TXNRD1: variants seen among roughly 807,000 people sequenced by gnomAD.
TXNRD1 encodes thioredoxin reductase 1.
TXNRD1 carries 57 observed loss-of-function variants against 80.3 expected under a neutral mutation model. The observed-to-expected ratio is 0.71, with a 90% CI of 0.57 to 0.89. The LOEUF (loss-of-function observed/expected upper bound fraction) is 0.89. Among genes scored for constraint, TXNRD1 ranks in the 40% least tolerant of loss-of-function variants. The probability of loss-of-function intolerance (pLI) is 0.00; values close to 1 mark genes in which losing one functional copy is unlikely to be tolerated. For synonymous variants in TXNRD1, 291 were observed against 285.2 expected (o/e 1.02, Z -0.20); for missense variants, 730 against 803.0 (o/e 0.91, Z 1.10).
intron 3 of TXNRD1, among the ~76,000 whole-genome samples, chr12:104,273,282 C>A (rs1402974176): frequency 6.6e-6 from 1 of 152,162 alleles, no homozygotes; most frequent in Non-Finnish European, 1.5e-5. Flanking sequence ...CCACCTTCTA[C>A]ATGCAGACCA....
intron 4 of TXNRD1, among the ~76,000 whole-genome samples, chr12:104,310,351 G>A (rs754538477): frequency 7.2e-5 from 11 of 152,096 alleles, no homozygotes; most frequent in Admixed American, 1.3e-4. Flanking sequence ...GGTTCACCCC[G>A]TTGGCCAGGC....
chr12:104,256,730 A>T (rs947448821), intron 2 of TXNRD1, among the ~76,000 whole-genome samples: 1 of 149,088 alleles, frequency 6.7e-6, no homozygotes, highest in Admixed American at 6.7e-5. Flanking sequence ...CAGTGAGCCG[A>T]GATAGTGCCA....
At chr12:104,266,489 G>A (rs1369347720) in intron 3 of TXNRD1, among the ~76,000 whole-genome samples, 1 of 136,564 alleles carries the variant, frequency 7.3e-6, no homozygotes, top group Non-Finnish European at 1.5e-5. Context: ...TCACGCCACT[G>A]CACTCCAGTC....
At chr12:104,274,870 G>C (rs2033723742) in intron 3 of TXNRD1, among the ~76,000 whole-genome samples, 1 of 152,060 alleles carries the variant, frequency 6.6e-6, no homozygotes, top group Non-Finnish European at 1.5e-5. Context: ...GAGTTGACTG[G>C]AATGGAGCCT....
intron 3 of TXNRD1, among the ~76,000 whole-genome samples, chr12:104,279,859 T>C (rs1024168414): frequency 1.3e-5 from 2 of 152,004 alleles, no homozygotes; most frequent in African/African-American, 4.8e-5. Context: ...AGTCAGGAGT[T>C]GAAGACCAGC....
intron 1 of TXNRD1, among the ~76,000 whole-genome samples, chr12:104,219,207 A>G (rs1390055719): frequency 1.3e-5 from 2 of 152,122 alleles, no homozygotes; most frequent in African/African-American, 2.4e-5. Flanking sequence ...CAGCCTCCCA[A>G]AGTATACTGC....
Position 104,231,059 on chromosome 12 carries a change from G to T in TXNRD1, c.91+15166G>T, listed in dbSNP as rs142237297. ...AATGGCTTGCATTTTCATATCAAAG[G>T]TTGCCTGCCCGGCTCTAAGAGCCCG... On this transcript the variant is annotated intron_variant, in intron 1 of 16. Transcript: ENST00000525566. 3.2e-4 allele frequency among the ~76,000 whole-genome samples: 48 copies of T among 152,236 alleles called. No homozygotes were observed. In the East Asian group the frequency reaches 9.1e-3, roughly 29 times the overall value.
chr12:104,292,177 A>T (rs2034242223), intron 4 of TXNRD1, among the ~76,000 whole-genome samples: 1 of 152,188 alleles, frequency 6.6e-6, no homozygotes, highest in Admixed American at 6.5e-5. Context: ...ATAGAAGACA[A>T]GGGAGAAAGA....
At chr12:104,252,659 T>TA (rs2033144041) in intron 2 of TXNRD1, among the ~76,000 whole-genome samples, 65 of 5,534 alleles carry the variant, frequency 0.012, no homozygotes, top group African/African-American at 0.045. Flanking sequence ...AATTTATTAT[T>TA]TTTTATATAT....
intron 4 of TXNRD1, among the ~76,000 whole-genome samples, chr12:104,289,954 G>A (rs2034121390): frequency 6.6e-6 from 1 of 152,188 alleles, no homozygotes; most frequent in African/African-American, 2.4e-5. Flanking sequence ...CCACGGCTGG[G>A]TGCATGTTTA....
intron 13 of TXNRD1, among the ~76,000 whole-genome samples, chr12:104,329,490 A>G (rs1273250054): frequency 1.3e-5 from 2 of 151,966 alleles, no homozygotes; most frequent in Non-Finnish European, 2.9e-5. Context: ...TCTACAAAAT[A>G]TACAAAAAAT....
chr12:104,305,318 T>G (rs2135790397), intron 4 of TXNRD1: 1 of 156,360 alleles, frequency 6.4e-6, no homozygotes, highest in Admixed American at 6.6e-5. Flanking sequence ...CCAGAAAGGG[T>G]TCCTAACCAG....
intron 3 of TXNRD1, chr12:104,262,262 A>G (rs1373547294): frequency 6.6e-6 from 1 of 150,568 alleles, no homozygotes; most frequent in Admixed American, 6.6e-5. Context: ...AAAAAGACCA[A>G]GTTTGACACC....
chr12:104,299,661 G>C (rs111735152), intron 4 of TXNRD1, among the ~76,000 whole-genome samples: 1 of 151,798 alleles, frequency 6.6e-6, no homozygotes, highest in East Asian at 1.9e-4. Context: ...CAGCTACTCG[G>C]GAGGCTGAGG....
rs2032676580 is a variant in TXNRD1, at chr12:104,233,804, G to A, written c.92-17723G>A. ...CCCAAAGTGCTGGGATTACAGGTGT[G>A]AGCCACCGCACCTGGCCCCCTTACT... is the stretch of plus-strand genomic sequence containing the variant. On this transcript the variant is annotated intron_variant, in intron 1 of 16. Coordinates refer to ENST00000525566, the MANE Select transcript of TXNRD1 (RefSeq NM_001093771.3). 4.6e-5 allele frequency among the ~76,000 whole-genome samples: 7 copies of A among 152,128 alleles called. 1 individual carries two copies. The highest frequency in any genetic ancestry group is 4.6e-4 in the Admixed American group (7 of 15,276).
intron 2 of TXNRD1, among the ~76,000 whole-genome samples, chr12:104,254,644 A>AAAAAAAAAAAAAAAAATATATATATAT: frequency 1.1e-5 from 1 of 93,628 alleles, no homozygotes; most frequent in African/African-American, 5.2e-5. Context: ...AAAAAAAAAA[A>AAAAAAAAAAAAAAAAATATATATATAT]ATATATATAT....
chr12:104,319,520 C>A lies in TXNRD1; in HGVS notation c.924C>A (p.Leu308=). 6.2e-7 allele frequency: 1 copy of A among 1,604,238 alleles called. No individual in the cohort carries two copies. Among genetic ancestry groups the A allele is most frequent in the Non-Finnish European group, 8.5e-7 (1 of 1,175,186 alleles). Residue 308 remains leucine, a synonymous_variant, in exon 9 of 17, where the codon CTC becomes CTA. Transcript: ENST00000525566. ...KEKIYSAERF[L]IATGERPRYL... is the part of the protein sequence containing the mutation. Reference sequence around the variant, plus strand: ...AAATTTATTCAGCAGAGAGATTTCTCATTGCCACTGGTGAAAGACCACGTT... The same window carrying A: ...AAATTTATTCAGCAGAGAGATTTCTAATTGCCACTGGTGAAAGACCACGTT...
rs1450963489 is a variant in TXNRD1, at chr12:104,309,983, TG to T, written c.415-1306del. The T allele has an allele frequency of 3.3e-6, 5 of 1,536,222 alleles. No individual in the cohort carries two copies. The South Asian group carries it at 3.6e-5, about 11-fold the overall frequency. On this transcript the variant is annotated intron_variant, in intron 4 of 16. Transcript: ENST00000525566. ...CAGTGCTGTGCTTCCTCCTTCACAT[TG>T]CTCCACCGCACCCCCTTCCACATCC... is the stretch of plus-strand genomic sequence containing the variant.
chr12:104,307,303 G>A (rs2034955998), intron 4 of TXNRD1, among the ~76,000 whole-genome samples: 1 of 152,234 alleles, frequency 6.6e-6, no homozygotes, highest in Non-Finnish European at 1.5e-5. Flanking sequence ...ACTGGATCAA[G>A]ATTTGTTAGG....
Sources: gnomAD v4.1 joint callset for allele counts (sites outside exome capture counted in the v4.1 genomes callset) on GRCh38, gnomAD v4.1.1 for gene constraint, MANE v1.5 for transcripts, NCBI Gene and HGNC (gene_info 2026-07-23, HGNC 2026-07-21) for gene names.